The following SERPINB8 variants were observed in gnomAD, a reference collection of about 807,000 sequenced individuals.
The protein encoded by SERPINB8 is serpin family B member 8.
SERPINB8 carries 25 observed loss-of-function variants against 35.3 expected under a neutral mutation model. The observed-to-expected ratio is 0.71, with a 90% CI of 0.52 to 0.99. The LOEUF (loss-of-function observed/expected upper bound fraction) is 0.99. Among genes scored for constraint, SERPINB8 ranks in the 50% least tolerant of loss-of-function variants. The pLI is 0.00. For synonymous variants in SERPINB8, 186 were observed against 160.8 expected (o/e 1.16, Z -1.19); for missense variants, 484 against 446.5 (o/e 1.08, Z -0.76).
At chr18:63,984,089 C>T (rs1599147433) in intron 5 of SERPINB8, among the ~76,000 whole-genome samples, 1 of 152,236 alleles carries the variant, frequency 6.6e-6, no homozygotes, top group South Asian at 2.1e-4. Flanking sequence ...TCAAGTGATA[C>T]ACCTGCCTTA....
downstream of SERPINB8, among the ~76,000 whole-genome samples, chr18:63,991,820 C>T (rs149529765): frequency 5.5e-3 from 844 of 152,288 alleles, 1 homozygote; most frequent in Middle Eastern, 0.01. Context: ...TGCCCTTTAA[C>T]AGGTGAAGAA....
exon 8 of SERPINB8, chr18:64,019,414 G>A (rs187065902): frequency 2.0e-5 from 3 of 152,258 alleles, no homozygotes; most frequent in Non-Finnish European, 4.4e-5. Flanking sequence ...CCTGGAAAAA[G>A]GCTGTTACTT....
intron 6 of SERPINB8, 122 bp from the exon 7 acceptor site, chr18:63,986,752 G>A: frequency 7.2e-7 from 1 of 1,389,114 alleles, no homozygotes; most frequent in East Asian, 2.3e-5. Flanking sequence ...AATATCTGTA[G>A]ATTTTCTTGG....
chr18:64,016,923 G>C lies in SERPINB8; in HGVS notation c.*3-1987G>C, dbSNP rs192342927. 1.2e-4 allele frequency among the ~76,000 whole-genome samples: 19 copies of C among 152,218 alleles called. 1 individual carries two copies. The highest frequency in any genetic ancestry group is 4.3e-4 in the African/African-American group (18 of 41,518). ...TTTTGCACTTCCTTCTAGATTTGTA[G>C]ATCTTCTTCTGCCAAGGTATGAAAA... On this transcript the variant is annotated intron_variant, in intron 7 of 7. Transcript: ENST00000636430.
At chr18:64,011,276 C>T (rs891512418) in intron 7 of SERPINB8, among the ~76,000 whole-genome samples, 6 of 151,694 alleles carry the variant, frequency 4.0e-5, no homozygotes, top group Non-Finnish European at 8.8e-5. Flanking sequence ...TAAATTTAAA[C>T]AAAAAGACAT....
chr18:64,001,713 CT>C (rs1194157415), intron 1 of SERPINB8, among the ~76,000 whole-genome samples: 19 of 152,148 alleles, frequency 1.2e-4, no homozygotes, highest in African/African-American at 3.1e-4. Flanking sequence ...TCTCGAACCC[CT>C]GACCTCAGGT....
chr18:64,002,049 T>A (rs1297113508), intron 1 of SERPINB8, among the ~76,000 whole-genome samples: 2 of 152,000 alleles, frequency 1.3e-5, no homozygotes, highest in Admixed American at 1.3e-4. Context: ...AGAATGTGAG[T>A]CTCTGATGAC....
At chr18:63,972,070 G>A (rs2050492821) in intron 1 of SERPINB8, among the ~76,000 whole-genome samples, 1 of 151,678 alleles carries the variant, frequency 6.6e-6, no homozygotes, top group Admixed American at 6.6e-5. Context: ...CATTTAAAAT[G>A]TGTATTGAAT....
At chr18:63,978,555 C>T (rs2050620962) in intron 2 of SERPINB8, 79 bp downstream of exon 2, 4 of 1,543,182 alleles carry the variant, frequency 2.6e-6, no homozygotes, top group Middle Eastern at 1.7e-4. Context: ...TGTACTTTTG[C>T]TCTAGCTGAG....
rs1480352795 is a variant in SERPINB8, at chr18:63,981,817, TGGGTGGCA to T, written c.405_412del (p.Trp135Ter). On this transcript the variant is annotated frameshift_variant, in exon 4 of 7. Coordinates refer to ENST00000397985, the MANE Select transcript of SERPINB8 (RefSeq NM_002640.4). LOFTEE classifies it high-confidence loss of function. ...AGAGTGCAGGAAGCATATAAATGAC[TGGGTGGCA>T]GAGAAGACTGAAGGTGAGACAGTTT... 2 of 1,612,282 alleles carry T rather than the reference TGGGTGGCA, an allele frequency of 1.2e-6. No individual in the cohort carries two copies. The highest frequency in any genetic ancestry group is 3.3e-5 in the Admixed American group (2 of 59,936).
At chr18:63,986,408 C>T (rs538194024) in intron 6 of SERPINB8, 4 of 1,502,206 alleles carry the variant, frequency 2.7e-6, no homozygotes, top group Admixed American at 2.3e-5. Context: ...ACACAATTCC[C>T]TCTCTTTTAC....
rs199724397 is a variant in SERPINB8, at chr18:63,983,728, A to G, written c.567+7A>G. On this transcript the variant is annotated splice_region_variant and intron_variant, in intron 5 of 6. Transcript: ENST00000397985. ...GCTCTTTAAAACCAACGAGGTAGGGAAAGATTTTTCAGATATACTGCTACT... is the reference window on the plus strand; with the variant it reads ...GCTCTTTAAAACCAACGAGGTAGGGGAAGATTTTTCAGATATACTGCTACT... 2,080 of 1,609,054 alleles carry G rather than the reference A, an allele frequency of 1.3e-3. 1 individual carries two copies. Among genetic ancestry groups the G allele is most frequent in the Non-Finnish European group, 1.6e-3 (1,905 of 1,175,600 alleles).
chr18:63,970,188 G>A lies in SERPINB8; in HGVS notation c.-11+18G>A. On this transcript the variant is annotated intron_variant, in intron 1 of 6. Coordinates refer to ENST00000397985, the MANE Select transcript of SERPINB8 (RefSeq NM_002640.4). ...AGCAGGAGGTGGGGGCCTCTGCCAG[G>A]TACCGGGCGGGGCAGGCACGGAGGT... The A allele has an allele frequency of 3.1e-6, 1 of 321,474 alleles. No individual in the cohort carries two copies. Among genetic ancestry groups the A allele is most frequent in the Non-Finnish European group, 6.1e-6 (1 of 165,244 alleles). The allele number at this position is 321,474 out of a possible 1,614,324, so 19.9% of individuals were successfully genotyped here. A position where few individuals can be genotyped will look rare whatever the true frequency, so the allele number is the denominator to read the frequency against.
intron 1 of SERPINB8, among the ~76,000 whole-genome samples, chr18:64,003,360 G>A (rs1325274397): frequency 6.6e-6 from 1 of 151,998 alleles, no homozygotes; most frequent in Non-Finnish European, 1.5e-5. Flanking sequence ...ACCATCTCCA[G>A]GGTAGGGACT....
intron 7 of SERPINB8, among the ~76,000 whole-genome samples, chr18:64,018,491 T>C (rs1405602508): frequency 1.3e-5 from 2 of 152,212 alleles, no homozygotes; most frequent in Non-Finnish European, 2.9e-5. Context: ...TTTGTAAACA[T>C]GTAGATCTAT....
chr18:63,991,419 A>G (rs537586892), downstream of SERPINB8, among the ~76,000 whole-genome samples: 2 of 151,456 alleles, frequency 1.3e-5, no homozygotes, highest in Non-Finnish European at 3.0e-5. Flanking sequence ...TCAGTATACA[A>G]GTCTGGCACA....
chr18:63,984,820 C>A (rs1325954965), intron 5 of SERPINB8, among the ~76,000 whole-genome samples: 2 of 152,058 alleles, frequency 1.3e-5, no homozygotes, highest in Non-Finnish European at 2.9e-5. Context: ...CTCAAAAAAG[C>A]AAACACAGCT....
At chr18:63,976,239 A>G (rs1211608638) in intron 1 of SERPINB8, among the ~76,000 whole-genome samples, 1 of 152,222 alleles carries the variant, frequency 6.6e-6, no homozygotes, top group Non-Finnish European at 1.5e-5. Context: ...CTCAATTGTA[A>G]GAACAAAAAG....
In SERPINB8 at chr18:63,995,335, G is replaced by A. The variant is rs191229504; in HGVS notation, c.71-9484G>A. 5.9e-5 allele frequency among the ~76,000 whole-genome samples: 9 copies of A among 152,334 alleles called. No homozygotes were observed. In the East Asian group the frequency reaches 1.5e-3, roughly 26 times the overall value. On this transcript the variant is annotated intron_variant, in intron 1 of 1. Coordinates refer to the SERPINB8 transcript ENST00000493661. The stretch of plus-strand genomic sequence containing the variant: ...AGCCAATGTCAGAGTTCAGTGAGGA[G>A]GTGGGAGGAAATGTCCTTCTTGGCC...
Sources: allele counts gnomAD v4.1 joint callset (sites outside exome capture counted in the v4.1 genomes callset), GRCh38; gene constraint gnomAD v4.1.1; transcripts MANE v1.5; gene names NCBI Gene and HGNC (gene_info 2026-07-23, HGNC 2026-07-21).